ECE1: variants seen among roughly 807,000 people sequenced by gnomAD.
ECE1 encodes the protein endothelin converting enzyme 1, also known as endothelin-converting enzyme 1.
ECE1 carries 35 observed loss-of-function variants against 98.6 expected under a neutral mutation model. That is an observed-to-expected ratio of 0.35 (90% CI 0.27 to 0.47). The LOEUF is 0.47. Among genes scored for constraint, ECE1 ranks in the 20% least tolerant of loss-of-function variants. The pLI is 1.00. For missense variants in ECE1, 814 were observed against 1,025.3 expected (o/e 0.79, Z 2.81); for synonymous variants, 394 against 407.1 (o/e 0.97, Z 0.39).
intron 1 of ECE1, among the ~76,000 whole-genome samples, chr1:21,336,306 A>G (rs4654920): frequency 0.078 from 11,904 of 152,168 alleles, 713 homozygotes; most frequent in East Asian, 0.33. Context: ...ACTTGAGCCC[A>G]TAAGTTCAAG....
chr1:21,339,326 C>T (rs1639359053), intron 1 of ECE1, among the ~76,000 whole-genome samples: 1 of 152,182 alleles, frequency 6.6e-6, no homozygotes, highest in South Asian at 2.1e-4. Flanking sequence ...GCTCTCAACG[C>T]CTCTGGCTAC....
In ECE1 at chr1:21,307,105, T is replaced by C. The variant is rs1638614841; in HGVS notation, c.4-16949A>G. 6.6e-6 allele frequency among the ~76,000 whole-genome samples: 1 copy of C among 152,134 alleles called. No individual in the cohort carries two copies. Among genetic ancestry groups the C allele is most frequent in the African/African-American group, 2.4e-5 (1 of 41,452 alleles). On this transcript the variant is annotated intron_variant, in intron 1 of 18. Transcript: ENST00000415912. The surrounding 1 kb of genome is among the most constrained non-coding windows in gnomAD (Gnocchi z 4.2). The stretch of plus-strand genomic sequence containing the variant: ...CCTCGTCTCCCTGCACTCAAGACTC[T>C]CCCCTTCCTCTGGGTCCAGCATGGG...
At chr1:21,232,729 T>C (rs1480061239) in intron 14 of ECE1, among the ~76,000 whole-genome samples, 2 of 151,098 alleles carry the variant, frequency 1.3e-5, no homozygotes, top group Non-Finnish European at 2.9e-5. Flanking sequence ...TGGAGTGCAG[T>C]GGCACGATCT....
At chr1:21,245,734 C>T (rs542752380) in intron 9 of ECE1, among the ~76,000 whole-genome samples, 27 of 152,052 alleles carry the variant, frequency 1.8e-4, no homozygotes, top group African/African-American at 5.1e-4. Context: ...TTGTACACGA[C>T]GGAGTACTAT....
At chr1:21,332,459 T>TTTTACTTA (rs1639217464) in intron 1 of ECE1, among the ~76,000 whole-genome samples, 1 of 150,746 alleles carries the variant, frequency 6.6e-6, no homozygotes, top group African/African-American at 2.4e-5. Flanking sequence ...CTTATTCCCA[T>TTTTACTTA]TTTACTTATG....
intron 1 of ECE1, among the ~76,000 whole-genome samples, chr1:21,330,133 CTTTTTTT>C (rs397860522): frequency 8.1e-5 from 7 of 86,490 alleles, no homozygotes; most frequent in African/African-American, 3.6e-4. Flanking sequence ...TCACTAAATA[CTTTTTTT>C]TTTTTTTTTT....
chr1:21,292,314 AC>A (rs1294185946), upstream of ECE1, among the ~76,000 whole-genome samples: 7 of 139,112 alleles, frequency 5.0e-5, no homozygotes, highest in Non-Finnish European at 1.1e-4. Context: ...TCCCCCACCA[AC>A]CTCCTCACAC....
chr1:21,259,951 T>C (rs1237886986), intron 5 of ECE1, among the ~76,000 whole-genome samples: 1 of 152,050 alleles, frequency 6.6e-6, no homozygotes, highest in Non-Finnish European at 1.5e-5. Flanking sequence ...CGTGGAGGAA[T>C]ATTTTCCCTC....
chr1:21,284,168 G>C (rs2098258130), intron 2 of ECE1, among the ~76,000 whole-genome samples: 1 of 152,252 alleles, frequency 6.6e-6, no homozygotes, highest in Non-Finnish European at 1.5e-5. Context: ...TCATGGGACT[G>C]TGGAGGGGAT....
At chr1:21,240,018 A>G (rs2098193994) in intron 10 of ECE1, among the ~76,000 whole-genome samples, 1 of 151,836 alleles carries the variant, frequency 6.6e-6, no homozygotes, top group Non-Finnish European at 1.5e-5. Context: ...CAAAAATACA[A>G]AAATTAGCCA....
intron 1 of ECE1, among the ~76,000 whole-genome samples, chr1:21,297,642 T>C (rs1638395103): frequency 6.7e-6 from 1 of 149,748 alleles, no homozygotes; most frequent in Non-Finnish European, 1.5e-5. Context: ...AGCAATTCAA[T>C]TCTCCTGCCT....
At chr1:21,262,452 GAAA>G (rs2098228255) in intron 4 of ECE1, among the ~76,000 whole-genome samples, 1 of 152,192 alleles carries the variant, frequency 6.6e-6, no homozygotes, top group Non-Finnish European at 1.5e-5. Context: ...GCTCTTGGAA[GAAA>G]AAGCAGGAGA....
Position 21,235,424 on chromosome 1 carries a change from T to C in ECE1, c.1566+426A>G, listed in dbSNP as rs2098186757. Among the ~76,000 whole-genome samples the C allele has an allele frequency of 6.6e-6, 1 of 152,162 alleles. No individual in the cohort carries two copies. Among genetic ancestry groups the C allele is most frequent in the Admixed American group, 6.5e-5 (1 of 15,274 alleles). On this transcript the variant is annotated intron_variant, in intron 13 of 18. Transcript: ENST00000374893. This position sits in a 1 kb window ranked among gnomAD's most constrained non-coding sequence, Gnocchi z 4.2. ...GAGGGCCGCAGGGACAGGAGGTAAC[T>C]GGAAGCACGACCAGGGAGGGAGGAG...
chr1:21,258,611 T>TCCCCCCCCA lies in ECE1; in HGVS notation c.762+81_762+82insTGGGGGGGG. 1.4e-6 allele frequency: 1 copy of TCCCCCCCCA among 722,674 alleles called. No individual in the cohort carries two copies. The highest frequency in any genetic ancestry group is 2.3e-6 in the Non-Finnish European group (1 of 434,344). 44.8% of individuals were successfully genotyped at this position (722,674 alleles called of 1,614,324 possible). A position where few individuals can be genotyped will look rare whatever the true frequency, so the allele number is the denominator to read the frequency against. On this transcript the variant is annotated intron_variant, in intron 6 of 18. Transcript: ENST00000374893. The surrounding 1 kb of genome is among the most constrained non-coding windows in gnomAD (Gnocchi z 4.2). ...CCGTCCCACCCAGGGCAAGCCCCTC[T>TCCCCCCCCA]CCCACCCCAGGTCCTGCTAAACTCA...
intron 1 of ECE1, among the ~76,000 whole-genome samples, chr1:21,338,520 G>A (rs1390750120): frequency 6.6e-6 from 1 of 152,220 alleles, no homozygotes; most frequent in African/African-American, 2.4e-5. Flanking sequence ...GAAGTGGTGG[G>A]GCTGGAATTC....
chr1:21,335,807 A>C (rs557015399), intron 1 of ECE1, among the ~76,000 whole-genome samples: 2 of 152,340 alleles, frequency 1.3e-5, no homozygotes. Context: ...GGGAGACCAC[A>C]GACACAGGGA....
intron 3 of ECE1, among the ~76,000 whole-genome samples, chr1:21,276,023 G>A (rs890067236): frequency 1.4e-5 from 2 of 140,674 alleles, no homozygotes; most frequent in Non-Finnish European, 3.0e-5. Flanking sequence ...TGTTTAATAC[G>A]TGCTTTTTTT....
intron 3 of ECE1, among the ~76,000 whole-genome samples, chr1:21,276,401 A>T (rs1159155387): frequency 1.3e-5 from 2 of 152,242 alleles, no homozygotes; most frequent in Non-Finnish European, 2.9e-5. Context: ...CTGCAGAGGC[A>T]GCAAACATTT....
At chr1:21,287,765 G>A (rs2098262272) in intron 2 of ECE1, among the ~76,000 whole-genome samples, 1 of 152,170 alleles carries the variant, frequency 6.6e-6, no homozygotes. Flanking sequence ...AGAAGATGCT[G>A]AATGAAAAAT....
Sources: gnomAD v4.1 joint callset for allele counts (sites outside exome capture counted in the v4.1 genomes callset) on GRCh38, gnomAD v4.1.1 for gene constraint, Gnocchi (gnomAD v3.1) non-coding constraint, MANE v1.5 for transcripts, NCBI Gene and HGNC (gene_info 2026-07-23, HGNC 2026-07-21) for gene names.